Variants in SLC44A5 observed in about 807,000 individuals in gnomAD.
The protein encoded by SLC44A5 is solute carrier family 44 member 5, also known as choline transporter-like protein 5.
A neutral mutation model predicts 101.8 loss-of-function variants in SLC44A5; 57 were observed. The ratio of observed to expected loss-of-function variants is 0.56; its 90% CI spans 0.45 to 0.70. The LOEUF (loss-of-function observed/expected upper bound fraction) is 0.70. Ranked by LOEUF, SLC44A5 falls within the 30% of genes least tolerant of loss-of-function variation. The pLI, the probability that SLC44A5 is intolerant of heterozygous loss-of-function variation, is 0.00. For missense variants in SLC44A5, 737 were observed against 853.1 expected, an observed-to-expected ratio of 0.86 and a Z score of 1.70; for synonymous variants, 281 against 290.9, an observed-to-expected ratio of 0.97 and a Z score of 0.35.
At chr1:75,710,562 T>TAAAAAAAAAAAAAAAAAA in the SLC44A5 span, 1 of 52,304 alleles carries the variant, frequency 1.9e-5, no homozygotes, top group Non-Finnish European at 3.1e-5. Context: ...AGACCCTACC[T>TAAAAAAAAAAAAAAAAAA]AAAAAAAAAA....
At chr1:75,425,459 G>C (rs1664253860) in intron 2 of SLC44A5, among the ~76,000 whole-genome samples, 1 of 152,238 alleles carries the variant, frequency 6.6e-6, no homozygotes, top group Non-Finnish European at 1.5e-5. Context: ...ACTTGCAGAA[G>C]CATTGCATTT....
At chr1:75,502,598 C>A (rs1669023023) in intron 2 of SLC44A5, among the ~76,000 whole-genome samples, 1 of 151,996 alleles carries the variant, frequency 6.6e-6, no homozygotes. Context: ...TACATGTGCA[C>A]AACGTGCAGG....
intron 3 of SLC44A5, among the ~76,000 whole-genome samples, chr1:75,390,089 T>A (rs919708404): frequency 1.3e-4 from 19 of 151,412 alleles, no homozygotes; most frequent in African/African-American, 4.6e-4. Context: ...AAATTCATAG[T>A]CTCCCAAGAT....
chr1:75,646,776 G>A, the SLC44A5 span, among the ~76,000 whole-genome samples: 7 of 152,148 alleles, frequency 4.6e-5, no homozygotes, highest in African/African-American at 1.7e-4. Context: ...AAAGAGACTG[G>A]CTGCATTTTG....
chr1:75,699,623 C>T, the SLC44A5 span, among the ~76,000 whole-genome samples: 1 of 142,170 alleles, frequency 7.0e-6, no homozygotes, highest in Non-Finnish European at 1.5e-5. Flanking sequence ...ACACAGCTAA[C>T]ATCATAATGA....
chr1:75,269,541 T>C (rs1339885953), intron 6 of SLC44A5, among the ~76,000 whole-genome samples: 1 of 151,992 alleles, frequency 6.6e-6, no homozygotes, highest in Non-Finnish European at 1.5e-5. Context: ...ATATTTTATA[T>C]ACAAAATCAT....
Position 75,600,580 on chromosome 1 carries a change from A to G in SLC44A5, c.-70+10460T>C, listed in dbSNP as rs546410645. 3.9e-5 allele frequency among the ~76,000 whole-genome samples: 6 copies of G among 152,322 alleles called. 1 individual carries two copies. The South Asian group carries it at 8.3e-4, about 21-fold the overall frequency. ...TTTATAAAAATAAATACAATTCAGCAAAACAAAGTACAGTCATGTGCCACA... is the reference window on the plus strand; with the variant it reads ...TTTATAAAAATAAATACAATTCAGCGAAACAAAGTACAGTCATGTGCCACA... On this transcript the variant is annotated intron_variant, in intron 1 of 23. Transcript: ENST00000370859.
intron 2 of SLC44A5, among the ~76,000 whole-genome samples, chr1:75,450,469 A>G (rs1005224013): frequency 2.0e-5 from 3 of 152,216 alleles, no homozygotes; most frequent in African/African-American, 4.8e-5. Flanking sequence ...CAGAGATTGG[A>G]GAACCTGCTC....
intron 3 of SLC44A5, among the ~76,000 whole-genome samples, chr1:75,368,144 TA>T (rs1235713132): frequency 1.3e-5 from 2 of 152,220 alleles, no homozygotes; most frequent in South Asian, 4.1e-4. Flanking sequence ...AAATTTGCTT[TA>T]ATCAGAGTTA....
chr1:75,296,544 T>C (rs1311819512), intron 5 of SLC44A5, among the ~76,000 whole-genome samples: 1 of 151,846 alleles, frequency 6.6e-6, no homozygotes, highest in Non-Finnish European at 1.5e-5. Context: ...CTGAGGACAA[T>C]TTTTTTTAGC....
the SLC44A5 span, among the ~76,000 whole-genome samples, chr1:75,718,648 G>A: frequency 1.6e-4 from 24 of 152,246 alleles, no homozygotes; most frequent in East Asian, 2.5e-3. Flanking sequence ...CATGAGCTGC[G>A]AGCCTCTTTC....
intron 2 of SLC44A5, among the ~76,000 whole-genome samples, chr1:75,462,260 T>G (rs1000613876): frequency 9.2e-5 from 14 of 152,182 alleles, no homozygotes; most frequent in African/African-American, 3.4e-4. Flanking sequence ...CAAAGAATTC[T>G]CCCAGTGCTT....
At chr1:75,677,502 A>G in the SLC44A5 span, among the ~76,000 whole-genome samples, 2 of 152,202 alleles carry the variant, frequency 1.3e-5, no homozygotes, top group Non-Finnish European at 2.9e-5. Context: ...TTAAAAAGCA[A>G]TATGTTAAAA....
At chr1:75,696,722 C>A in the SLC44A5 span, among the ~76,000 whole-genome samples, 1 of 150,192 alleles carries the variant, frequency 6.7e-6, no homozygotes, top group African/African-American at 2.4e-5. Flanking sequence ...GGTGAAACCC[C>A]GTCTCTACTA....
chr1:75,707,452 T>A, the SLC44A5 span, among the ~76,000 whole-genome samples: 1 of 152,168 alleles, frequency 6.6e-6, no homozygotes, highest in East Asian at 1.9e-4. Flanking sequence ...TAAACAAGCC[T>A]GTTTAAGATT....
chr1:75,279,820 C>T (rs1652252156), intron 5 of SLC44A5, among the ~76,000 whole-genome samples: 1 of 151,510 alleles, frequency 6.6e-6, no homozygotes, highest in African/African-American at 2.4e-5. Flanking sequence ...ATGGATAAGT[C>T]CTTTAGTGGT....
intron 2 of SLC44A5, among the ~76,000 whole-genome samples, chr1:75,451,044 G>A (rs1665879427): frequency 6.6e-6 from 1 of 152,180 alleles, no homozygotes; most frequent in Admixed American, 6.5e-5. Context: ...CAAGGAAGTT[G>A]GAGCCAAGGA....
At chr1:75,256,389 A>C (rs1166485120) in intron 6 of SLC44A5, among the ~76,000 whole-genome samples, 1 of 152,140 alleles carries the variant, frequency 6.6e-6, no homozygotes, top group Non-Finnish European at 1.5e-5. Context: ...GGGTAAACAA[A>C]ACATTATGTT....
chr1:75,643,554 C>T, the SLC44A5 span, among the ~76,000 whole-genome samples: 16 of 152,316 alleles, frequency 1.1e-4, no homozygotes, highest in Admixed American at 2.6e-4. Context: ...GAAATCTCAT[C>T]TTGAATTATA....
Sources: allele counts gnomAD v4.1 joint callset (sites outside exome capture counted in the v4.1 genomes callset), GRCh38; gene constraint gnomAD v4.1.1; transcripts MANE v1.5; gene names NCBI Gene and HGNC (gene_info 2026-07-23, HGNC 2026-07-21).